Variants in CREM observed in about 807,000 individuals in gnomAD.
The protein encoded by CREM is cAMP responsive element modulator.
Under a neutral mutation model 37.3 loss-of-function variants are expected in CREM, and 13 were observed. That is an observed-to-expected ratio of 0.35 (90% CI 0.23 to 0.55). The LOEUF (loss-of-function observed/expected upper bound fraction) is 0.55. Ranked by LOEUF, CREM falls within the 20% of genes least tolerant of loss-of-function variation. CREM has a pLI of 0.88. For missense variants in CREM, 296 were observed against 362.3 expected (o/e 0.82, Z 1.49); for synonymous variants, 124 against 120.2 (o/e 1.03, Z -0.21).
chr10:35,211,705 C>T lies in CREM; in HGVS notation c.*307C>T. ...TCGAAAGAAAGAATATGTAAAATGT[C>T]TGGAGAGCCGAGTTGCAGTGCTGGA... is the stretch of plus-strand genomic sequence containing the variant. On this transcript the variant is annotated 3_prime_UTR_variant, in exon 8 of 8. Transcript: ENST00000685392. 6.2e-7 allele frequency: 1 copy of T among 1,613,960 alleles called. No individual in the cohort carries two copies. The highest frequency in any genetic ancestry group is 1.1e-5 in the South Asian group (1 of 91,024).
At chr10:35,206,027 T>TC (rs1411664782) in intron 6 of CREM, among the ~76,000 whole-genome samples, 4 of 151,360 alleles carry the variant, frequency 2.6e-5, no homozygotes, top group Non-Finnish European at 5.9e-5. Flanking sequence ...GGTGGGAGGA[T>TC]CACGAGGTCA....
At chr10:35,187,156 ATATATAT>A (rs1262987924) in intron 5 of CREM, among the ~76,000 whole-genome samples, 5 of 60,718 alleles carry the variant, frequency 8.2e-5, no homozygotes, top group Non-Finnish European at 1.5e-4. Context: ...AATATATATA[ATATATAT>A]TATATATTAA....
intron 3 of CREM, chr10:35,154,204 G>A (rs2092760759): frequency 1.3e-5 from 5 of 396,636 alleles, no homozygotes; most frequent in Non-Finnish European, 2.2e-5. Flanking sequence ...GTGGAAAATT[G>A]GAATGGCATT....
intron 3 of CREM, chr10:35,167,609 G>GT: frequency 1.0e-6 from 1 of 960,064 alleles, no homozygotes; most frequent in East Asian, 2.4e-5. Flanking sequence ...GGTTTTCCCA[G>GT]TTATAAGTGT....
At chr10:35,187,193 TA>T (rs1564923263) in intron 5 of CREM, among the ~76,000 whole-genome samples, 4 of 73,708 alleles carry the variant, frequency 5.4e-5, no homozygotes, top group Non-Finnish European at 7.8e-5. Flanking sequence ...ATAAATATAT[TA>T]ATATATAATA....
intron 1 of CREM, among the ~76,000 whole-genome samples, chr10:35,134,958 A>G (rs1485736520): frequency 6.6e-6 from 1 of 152,042 alleles, no homozygotes; most frequent in Non-Finnish European, 1.5e-5. Flanking sequence ...GAACTGCTTG[A>G]ACCTGGGACG....
In CREM at chr10:35,212,038, G is replaced by T; in HGVS notation, c.*640G>T. On this transcript the variant is annotated 3_prime_UTR_variant, in exon 8 of 8. Transcript: ENST00000685392. ...ATTCTTAAAATGCAATATTTGTAAG[G>T]CTTGTTCCAATGCCACATACTTGCA... 2.6e-6 allele frequency: 1 copy of T among 384,986 alleles called. No homozygotes were observed. 23.8% of individuals were successfully genotyped at this position (384,986 alleles called of 1,614,324 possible). A position where few individuals can be genotyped will look rare whatever the true frequency, so the allele number is the denominator to read the frequency against.
At chr10:35,188,814 C>T (rs760495159) in intron 6 of CREM, among the ~76,000 whole-genome samples, 1 of 151,880 alleles carries the variant, frequency 6.6e-6, no homozygotes, top group Non-Finnish European at 1.5e-5. Context: ...TGAGCCACCA[C>T]GCCTGGCTAA....
At chr10:35,174,784 G>T (rs906587631) in intron 3 of CREM, among the ~76,000 whole-genome samples, 2 of 152,228 alleles carry the variant, frequency 1.3e-5, no homozygotes, top group Non-Finnish European at 2.9e-5. Context: ...AACCTGGCAG[G>T]TTTTGAGTCC....
intron 1 of CREM, among the ~76,000 whole-genome samples, chr10:35,128,375 T>G (rs1186468802): frequency 6.6e-6 from 1 of 152,160 alleles, no homozygotes; most frequent in Non-Finnish European, 1.5e-5. Context: ...GCCGGGCAGA[T>G]GAGGGTGTAC....
chr10:35,164,174 T>C (rs748907026), intron 3 of CREM, among the ~76,000 whole-genome samples: 11 of 152,220 alleles, frequency 7.2e-5, no homozygotes, highest in Non-Finnish European at 1.3e-4. Context: ...ACCTAAAACA[T>C]GGAAAATACT....
chr10:35,205,278 A>G lies in CREM; in HGVS notation c.599-1617A>G, dbSNP rs116793724. Among the ~76,000 whole-genome samples the G allele has an allele frequency of 4.4e-3, 671 of 152,318 alleles. 6 individuals are homozygous for G. Among genetic ancestry groups the G allele is most frequent in the African/African-American group, 0.015 (622 of 41,572 alleles). ...GATCTGAATACTAAGTAAATATTAA[A>G]CGCTGTATTTTAACTGTATGATTAT... On this transcript the variant is annotated intron_variant, in intron 6 of 7. Transcript: ENST00000685392.
rs575790394 is a variant in CREM at position 35,134,181 on chromosome 10, G to C, written c.-54-3601G>C. 1.3e-4 allele frequency among the ~76,000 whole-genome samples: 20 copies of C among 150,890 alleles called. No homozygotes were observed. In the East Asian group the frequency reaches 3.3e-3, roughly 25 times the overall value. On this transcript the variant is annotated intron_variant, in intron 1 of 7. Coordinates refer to ENST00000685392, the MANE Select transcript of CREM (RefSeq NM_183011.2). ...CTTGCCTCAGCCTCCAGAGTAGCTG[G>C]GATTATAGGTGCACATCACCATGCT...
chr10:35,175,542 T>G, intron 3 of CREM: 1 of 763,764 alleles, frequency 1.3e-6, no homozygotes, highest in Non-Finnish European at 2.2e-6. Context: ...TCACTGTTAG[T>G]AGGCGTGAGG....
chr10:35,148,304 A>T, intron 2 of CREM, 64 bp from the exon 3 acceptor site: 1 of 1,498,374 alleles, frequency 6.7e-7, no homozygotes, highest in African/African-American at 1.4e-5. Flanking sequence ...AGGGATGTTC[A>T]ACCTGTATTT....
intron 3 of CREM, among the ~76,000 whole-genome samples, chr10:35,163,472 A>G (rs897511225): frequency 4.6e-5 from 7 of 152,030 alleles, no homozygotes; most frequent in African/African-American, 1.7e-4. Context: ...TTGCTTGAGC[A>G]CAGGAGTTCG....
intron 3 of CREM, among the ~76,000 whole-genome samples, chr10:35,164,982 C>T (rs754668350): frequency 2.0e-4 from 28 of 143,430 alleles, no homozygotes; most frequent in African/African-American, 5.2e-4. Flanking sequence ...AACTTGAACC[C>T]GGAAGGCAGA....
In CREM at chr10:35,148,436, A is replaced by T; in HGVS notation, c.113A>T (p.Lys38Met). 6.2e-7 allele frequency: 1 copy of T among 1,613,946 alleles called. No individual in the cohort carries two copies. The highest frequency in any genetic ancestry group is 8.5e-7 in the Non-Finnish European group (1 of 1,179,900). ...ATAACAGCTTCTTTGACAGAGAGCAAGTCTGCTCATGTGCAGACTCAGACT... is the reference window on the plus strand; with the variant it reads ...ATAACAGCTTCTTTGACAGAGAGCATGTCTGCTCATGTGCAGACTCAGACT... ...GSITASLTES[K>M]SAHVQTQTGQ... Residue 38 changes from lysine to methionine, a missense_variant, in exon 3 of 8, where the codon AAG becomes ATG. Around this residue, in one of 2 missense-constraint regions of CREM, gnomAD observed 257 missense variants for 280.2 expected, o/e 0.92. Coordinates refer to ENST00000685392, the MANE Select transcript of CREM (RefSeq NM_183011.2).
intron 5 of CREM, among the ~76,000 whole-genome samples, chr10:35,187,092 AT>A (rs1444035006): frequency 1.4e-4 from 9 of 64,686 alleles, no homozygotes; most frequent in African/African-American, 5.3e-4. Flanking sequence ...ATAATATATA[AT>A]ATATATGATA....
Sources: allele counts gnomAD v4.1 joint callset (sites outside exome capture counted in the v4.1 genomes callset), GRCh38; gene constraint gnomAD v4.1.1; regional missense constraint gnomAD v4.1.1; transcripts MANE v1.5; gene names NCBI Gene and HGNC (gene_info 2026-07-23, HGNC 2026-07-21).